Variants in FOXN3 observed in about 807,000 individuals in gnomAD.
The protein encoded by FOXN3 is forkhead box protein N3.
In FOXN3, 7 loss-of-function variants were observed where a neutral mutation model predicts 38.4. The observed-to-expected ratio is 0.18, with a 90% CI of 0.10 to 0.34. The LOEUF (loss-of-function observed/expected upper bound fraction) is 0.34, where lower values mean the gene tolerates loss of function less well. FOXN3 is among the 10% of genes least tolerant of loss of function. The probability of loss-of-function intolerance (pLI) is 1.00; values close to 1 mark genes in which losing one functional copy is unlikely to be tolerated. For synonymous variants in FOXN3, 230 were observed against 242.2 expected (o/e 0.95, Z 0.47); for missense variants, 456 against 613.4 (o/e 0.74, Z 2.71).
At chr14:89,274,099 G>C (rs1293778963) in intron 4 of FOXN3, among the ~76,000 whole-genome samples, 3 of 152,164 alleles carry the variant, frequency 2.0e-5, no homozygotes, top group Admixed American at 1.3e-4. Context: ...GGGGCTTCAA[G>C]CTCCAACCAA....
rs114152504 is a variant in FOXN3, at chr14:89,262,644, C to T, written c.745+18306G>A. Among the ~76,000 whole-genome samples, 1,263 of 152,234 alleles carry T rather than the reference C, an allele frequency of 8.3e-3. 19 individuals carry two copies. The highest frequency in any genetic ancestry group is 0.029 in the African/African-American group (1,197 of 41,546). Reference sequence around the variant, plus strand: ...ACAAATACAAACATATCTGAGATTCCCTGTGCCCCTGAATATGGGGCTAAC... The same window carrying T: ...ACAAATACAAACATATCTGAGATTCTCTGTGCCCCTGAATATGGGGCTAAC... On this transcript the variant is annotated intron_variant, in intron 4 of 5. Coordinates refer to ENST00000557258, the MANE Select transcript of FOXN3 (RefSeq NM_005197.4).
At chr14:89,205,578 C>T (rs1028150505) in intron 4 of FOXN3, among the ~76,000 whole-genome samples, 6 of 152,210 alleles carry the variant, frequency 3.9e-5, no homozygotes, top group African/African-American at 1.2e-4. Flanking sequence ...AGCAGGCCAT[C>T]GACGGCGGGA....
intron 4 of FOXN3, among the ~76,000 whole-genome samples, chr14:89,206,261 C>G (rs574007363): frequency 6.6e-6 from 1 of 152,144 alleles, no homozygotes; most frequent in Non-Finnish European, 1.5e-5. Context: ...GAGGCCCAAG[C>G]GTGAGGGCCA....
At chr14:89,237,136 G>GA (rs35535647) in intron 4 of FOXN3, among the ~76,000 whole-genome samples, 60,105 of 150,496 alleles carry the variant, frequency 0.4, 12,119 homozygotes, top group African/African-American at 0.47. Flanking sequence ...TCATTTCAGG[G>GA]AAAAAAAAAC....
At chr14:89,429,429 T>C (rs980676534) in intron 1 of FOXN3, among the ~76,000 whole-genome samples, 1 of 152,172 alleles carries the variant, frequency 6.6e-6, no homozygotes, top group African/African-American at 2.4e-5. Context: ...TTTGAGTAGC[T>C]TGAATATCAA....
chr14:89,428,790 G>A (rs1189305214), intron 1 of FOXN3, among the ~76,000 whole-genome samples: 12 of 152,248 alleles, frequency 7.9e-5, no homozygotes, highest in Non-Finnish European at 1.5e-5. Flanking sequence ...ACCCTGCGCA[G>A]GCCTCCACGC....
At chr14:89,533,271 A>C (rs185011594) in intron 1 of FOXN3, among the ~76,000 whole-genome samples, 31 of 152,286 alleles carry the variant, frequency 2.0e-4, no homozygotes, top group African/African-American at 6.0e-4. Context: ...TGACCTAAGA[A>C]AACATGAATG....
chr14:89,205,138 A>G (rs1485072699), intron 4 of FOXN3, among the ~76,000 whole-genome samples: 2 of 151,246 alleles, frequency 1.3e-5, no homozygotes, highest in Non-Finnish European at 3.0e-5. Flanking sequence ...TTCTTTTTTG[A>G]ATGTGTTTGA....
At chr14:89,175,051 C>T (rs1241612081) in intron 5 of FOXN3, among the ~76,000 whole-genome samples, 1 of 152,212 alleles carries the variant, frequency 6.6e-6, no homozygotes, top group Non-Finnish European at 1.5e-5. Flanking sequence ...AAACAAACAT[C>T]TTCTCAAGGG....
intron 3 of FOXN3, among the ~76,000 whole-genome samples, chr14:89,313,100 C>T (rs567891216): frequency 4.6e-5 from 7 of 152,190 alleles, no homozygotes; most frequent in Non-Finnish European, 7.3e-5. Context: ...TAAGACCCAA[C>T]TGTTAGGATT....
intron 4 of FOXN3, among the ~76,000 whole-genome samples, chr14:89,188,000 A>G (rs79863477): frequency 0.013 from 1,986 of 152,242 alleles, 49 homozygotes; most frequent in African/African-American, 0.045. Context: ...ATTCCTGTCC[A>G]TGAGCGTCTC....
intron 1 of FOXN3, among the ~76,000 whole-genome samples, chr14:89,493,193 C>A (rs1044219525): frequency 6.6e-6 from 1 of 152,142 alleles, no homozygotes; most frequent in African/African-American, 2.4e-5. Flanking sequence ...CACTGATACA[C>A]GAATAATAAA....
chr14:89,167,980 C>T (rs73319296), intron 5 of FOXN3, among the ~76,000 whole-genome samples: 3,117 of 152,122 alleles, frequency 0.02, 117 homozygotes, highest in African/African-American at 0.072. Context: ...TATACTGGTC[C>T]CCCAGGCTCC....
At position 89,528,090 on chromosome 14, in the gene FOXN3, T is replaced by C. The variant is rs376031949; in HGVS notation, c.-15+90938A>G. The stretch of plus-strand genomic sequence containing the variant: ...GAAATGTAAAATAGCACAAATACTT[T>C]GAGAAATATTTTGACAGTTTCTTAA... On this transcript the variant is annotated intron_variant, in intron 1 of 6. Coordinates refer to the FOXN3 transcript ENST00000345097. Among the ~76,000 whole-genome samples, 48 of 152,296 alleles carry C rather than the reference T, an allele frequency of 3.2e-4. No homozygotes were observed. The South Asian group carries it at 7.3e-3, about 23-fold the overall frequency.
chr14:89,616,529 C>T (rs1346176879), intron 1 of FOXN3, among the ~76,000 whole-genome samples: 11 of 150,628 alleles, frequency 7.3e-5, no homozygotes, highest in African/African-American at 2.5e-4. Context: ...CAACCCCACC[C>T]CCACCACCCC....
At position 89,159,035 on chromosome 14, in the gene FOXN3, C is replaced by T. The variant is rs766348588; in HGVS notation, c.*3379G>A. The T allele has an allele frequency of 6.6e-6, 1 of 152,604 alleles. No individual in the cohort carries two copies. Among genetic ancestry groups the T allele is most frequent in the Non-Finnish European group, 1.5e-5 (1 of 68,040 alleles). 9.5% of individuals were successfully genotyped at this position (152,604 alleles called of 1,614,324 possible). A position where few individuals can be genotyped will look rare whatever the true frequency, so the allele number is the denominator to read the frequency against. On this transcript the variant is annotated 3_prime_UTR_variant, in exon 6 of 6. Coordinates refer to ENST00000557258, the MANE Select transcript of FOXN3 (RefSeq NM_005197.4). ...GTTTGGAAGCTAAAAGAACACCTGA[C>T]GTTTGGGAAGGAATTCCAAGACTAA...
chr14:89,336,242 C>CCATCCATCCATT (rs1034151587), intron 3 of FOXN3, among the ~76,000 whole-genome samples: 6 of 151,624 alleles, frequency 4.0e-5, no homozygotes, highest in African/African-American at 1.5e-4. Context: ...ATCCATCCAT[C>CCATCCATCCATT]CATCCATTCA....
rs555154723 is a variant in FOXN3 at position 89,170,315 on chromosome 14, C to T, written c.852-7346G>A. On this transcript the variant is annotated intron_variant, in intron 5 of 5. Coordinates refer to ENST00000557258, the MANE Select transcript of FOXN3 (RefSeq NM_005197.4). The stretch of plus-strand genomic sequence containing the variant: ...CAGTATGCAATTGATCAAGCTGACA[C>T]GCACACACACACAAAAGTTTCATAT... Among the ~76,000 whole-genome samples, 201 of 152,260 alleles carry T rather than the reference C, an allele frequency of 1.3e-3. 1 individual carries two copies. The highest frequency in any genetic ancestry group is 4.8e-3 in the African/African-American group (198 of 41,530).
chr14:89,415,924 C>T (rs1364114416), intron 1 of FOXN3, among the ~76,000 whole-genome samples: 1 of 150,388 alleles, frequency 6.6e-6, no homozygotes, highest in Non-Finnish European at 1.5e-5. Context: ...TTTTGTTACC[C>T]TCTTTATTTT....
Sources: allele counts gnomAD v4.1 joint callset (sites outside exome capture counted in the v4.1 genomes callset), GRCh38; gene constraint gnomAD v4.1.1; transcripts MANE v1.5; gene names NCBI Gene and HGNC (gene_info 2026-07-23, HGNC 2026-07-21).